GRXCR1: variants seen among roughly 807,000 people sequenced by gnomAD.
GRXCR1 encodes the protein glutaredoxin domain-containing cysteine-rich protein 1.
Under a neutral mutation model 27.3 loss-of-function variants are expected in GRXCR1, and 27 were observed. The ratio of observed to expected loss-of-function variants is 0.99; its 90% CI spans 0.73 to 1.37. GRXCR1 has a LOEUF of 1.37. Among genes scored for constraint, GRXCR1 ranks in the 40% most tolerant of loss-of-function variants. The pLI is 0.00. For missense variants in GRXCR1, 379 were observed against 354.4 expected (o/e 1.07, Z -0.56); for synonymous variants, 122 against 131.1 (o/e 0.93, Z 0.47).
chr4:43,028,184 C>T (rs1247019842), intron 3 of GRXCR1, among the ~76,000 whole-genome samples: 4 of 152,026 alleles, frequency 2.6e-5, no homozygotes, highest in Non-Finnish European at 5.9e-5. Context: ...GGATTAATAT[C>T]TCTTTTCTTC....
At chr4:42,965,829 G>C (rs962894420) in intron 2 of GRXCR1, among the ~76,000 whole-genome samples, 25 of 151,974 alleles carry the variant, frequency 1.6e-4, no homozygotes, top group Admixed American at 1.6e-3. Context: ...ATGGGACGGA[G>C]AACAAGAGAA....
At chr4:42,950,866 ATCTATG>A (rs1473727745) in intron 1 of GRXCR1, among the ~76,000 whole-genome samples, 2 of 152,136 alleles carry the variant, frequency 1.3e-5, no homozygotes, top group African/African-American at 2.4e-5. Context: ...TTTGTATAAT[ATCTATG>A]TCTATATGTC....
Position 42,903,682 on chromosome 4 carries a change from C to T in GRXCR1, c.384+10032C>T, listed in dbSNP as rs540352536. Among the ~76,000 whole-genome samples, 5 of 147,676 alleles carry T rather than the reference C, an allele frequency of 3.4e-5. No individual in the cohort carries two copies. In the East Asian group the frequency reaches 7.0e-4, roughly 21 times the overall value. On this transcript the variant is annotated intron_variant, in intron 1 of 3. Transcript: ENST00000399770. ...GCCCCTTCCCATTTTTCTTTTTTCCCCTAAATTTGCGCTTGCTTCAGCATT... is the reference window on the plus strand; with the variant it reads ...GCCCCTTCCCATTTTTCTTTTTTCCTCTAAATTTGCGCTTGCTTCAGCATT...
chr4:42,933,020 C>T lies in GRXCR1; in HGVS notation c.385-29872C>T, dbSNP rs143303149. On this transcript the variant is annotated intron_variant, in intron 1 of 3. Transcript: ENST00000399770. The stretch of plus-strand genomic sequence containing the variant: ...GGAACATCAGATAAGGAGACACTAC[C>T]ACTTTACTCAACTATTGGACCTGTG... Among the ~76,000 whole-genome samples, 382 of 151,944 alleles carry T rather than the reference C, an allele frequency of 2.5e-3. 3 individuals are homozygous for T. Among genetic ancestry groups the T allele is most frequent in the African/African-American group, 8.9e-3 (371 of 41,490 alleles).
At chr4:43,027,255 G>C (rs1269329808) in intron 3 of GRXCR1, among the ~76,000 whole-genome samples, 1 of 152,152 alleles carries the variant, frequency 6.6e-6, no homozygotes, top group African/African-American at 2.4e-5. Context: ...ACAATCCTTT[G>C]AATGAAAGAG....
chr4:42,997,880 G>A (rs986552274), intron 2 of GRXCR1, among the ~76,000 whole-genome samples: 8 of 152,114 alleles, frequency 5.3e-5, no homozygotes, highest in Non-Finnish European at 1.0e-4. Flanking sequence ...GGCATGGCGT[G>A]CCTCCTCCCT....
At chr4:43,010,896 T>C (rs1456305689) in intron 2 of GRXCR1, among the ~76,000 whole-genome samples, 2 of 152,192 alleles carry the variant, frequency 1.3e-5, no homozygotes, top group African/African-American at 4.8e-5. Flanking sequence ...TTATCTCATT[T>C]ATTTCTTACA....
intron 1 of GRXCR1, among the ~76,000 whole-genome samples, chr4:42,901,645 T>C (rs35706242): frequency 0.24 from 36,883 of 152,208 alleles, 5,261 homozygotes; most frequent in Non-Finnish European, 0.32. Context: ...TATTCATAGA[T>C]TGTAGAGATT....
chr4:42,921,981 AT>A (rs1747022705), intron 1 of GRXCR1, among the ~76,000 whole-genome samples: 1 of 152,118 alleles, frequency 6.6e-6, no homozygotes, highest in Non-Finnish European at 1.5e-5. Context: ...CTTCTCTGGC[AT>A]TGGTTGGTGG....
At chr4:42,916,526 A>C (rs1746890604) in intron 1 of GRXCR1, among the ~76,000 whole-genome samples, 1 of 152,108 alleles carries the variant, frequency 6.6e-6, no homozygotes, top group Non-Finnish European at 1.5e-5. Context: ...ATATCTTTTA[A>C]TTTGGATTTA....
intron 1 of GRXCR1, among the ~76,000 whole-genome samples, chr4:42,958,059 C>T (rs1402484826): frequency 6.6e-6 from 1 of 151,964 alleles, no homozygotes; most frequent in African/African-American, 2.4e-5. Flanking sequence ...ACCCATCTAT[C>T]TTGAGAAGGC....
chr4:42,895,034 A>C (rs1024817226), intron 1 of GRXCR1, among the ~76,000 whole-genome samples: 1 of 152,076 alleles, frequency 6.6e-6, no homozygotes, highest in Non-Finnish European at 1.5e-5. Context: ...TTTGATTTGC[A>C]TCTGTTTATT....
At chr4:43,013,264 G>C (rs139530482) in intron 2 of GRXCR1, among the ~76,000 whole-genome samples, 38 of 152,262 alleles carry the variant, frequency 2.5e-4, no homozygotes, top group Non-Finnish European at 3.8e-4. Context: ...AATCAACATA[G>C]ATGTCCATCA....
intron 2 of GRXCR1, among the ~76,000 whole-genome samples, chr4:42,979,806 G>A (rs1022858768): frequency 4.0e-5 from 6 of 151,818 alleles, no homozygotes; most frequent in Non-Finnish European, 7.4e-5. Flanking sequence ...TTGGGCTTTT[G>A]TATGATGAAA....
At chr4:43,007,300 G>T (rs1230231293) in intron 2 of GRXCR1, among the ~76,000 whole-genome samples, 1 of 152,118 alleles carries the variant, frequency 6.6e-6, no homozygotes, top group Non-Finnish European at 1.5e-5. Flanking sequence ...GGAGCTAGAA[G>T]AAAATGGAAA....
At chr4:43,023,152 T>C (rs1455537481) in intron 3 of GRXCR1, among the ~76,000 whole-genome samples, 1 of 152,060 alleles carries the variant, frequency 6.6e-6, no homozygotes, top group African/African-American at 2.4e-5. Context: ...GGTTAGTAGT[T>C]TCCTAGGAGG....
intron 1 of GRXCR1, among the ~76,000 whole-genome samples, chr4:42,929,477 G>A (rs911603409): frequency 2.6e-5 from 4 of 152,010 alleles, no homozygotes; most frequent in Admixed American, 6.6e-5. Context: ...TGAAGCAGAA[G>A]AGGAGAAATA....
intron 1 of GRXCR1, among the ~76,000 whole-genome samples, chr4:42,961,111 T>C (rs1748121700): frequency 6.6e-6 from 1 of 151,972 alleles, no homozygotes. Context: ...TTTGGTTTTC[T>C]GTTCTCATGT....
In GRXCR1 at chr4:42,998,942, C is replaced by T. The variant is rs910020424; in HGVS notation, c.628-21412C>T. ...CAGCTAACATTGGTGACTTGATGTC[C>T]GGTACCTATATTAGATCCTTCTTGG... On this transcript the variant is annotated intron_variant, in intron 2 of 3. Transcript: ENST00000399770. Among the ~76,000 whole-genome samples, 6 of 152,068 alleles carry T rather than the reference C, an allele frequency of 3.9e-5. No individual in the cohort carries two copies. The East Asian group carries it at 5.8e-4, about 15-fold the overall frequency.
Sources: allele counts gnomAD v4.1 joint callset (sites outside exome capture counted in the v4.1 genomes callset), GRCh38; gene constraint gnomAD v4.1.1; transcripts MANE v1.5; gene names NCBI Gene and HGNC (gene_info 2026-07-23, HGNC 2026-07-21).